SLC22A25: variants seen among roughly 807,000 people sequenced by gnomAD.
SLC22A25 encodes MGI:2442751, MGI:2385316, MGI:3042283, MGI:3645714, MGI:3605624, MGI:2442750.
A neutral mutation model predicts 45.9 loss-of-function variants in SLC22A25; 44 were observed. The observed-to-expected ratio is 0.96, with a 90% confidence interval of 0.75 to 1.23. The LOEUF (loss-of-function observed/expected upper bound fraction) is 1.23, where lower values mean the gene tolerates loss of function less well. SLC22A25 is among the 50% of genes most tolerant of loss of function. The pLI, the probability that SLC22A25 is intolerant of heterozygous loss-of-function variation, is 0.00. For missense variants in SLC22A25, 800 were observed against 666.4 expected (o/e 1.20, Z -2.21); for synonymous variants, 283 against 238.6 (o/e 1.19, Z -1.72).
chr11:63,160,794 C>T lies in SLC22A25; in HGVS notation c.*3030G>A, dbSNP rs1254230063. On this transcript the variant is annotated 3_prime_UTR_variant, in exon 12 of 12. Coordinates refer to ENST00000306494, the MANE Select transcript of SLC22A25 (RefSeq NM_199352.6). ...AGCTGCCCAAGAGCATGGAAACCCA[C>T]CTTTTGCATCATTGTGACCCAAATG... is the stretch of plus-strand genomic sequence containing the variant. Among the ~76,000 whole-genome samples, 1 of 152,176 alleles carries T rather than the reference C, an allele frequency of 6.6e-6. No individual in the cohort carries two copies. Among genetic ancestry groups the T allele is most frequent in the East Asian group, 1.9e-4 (1 of 5,186 alleles).
Position 63,163,940 on chromosome 11 carries a change from G to A in SLC22A25, c.1528C>T (p.Leu510Phe), listed in dbSNP as rs200098780. Residue 510 changes from leucine to phenylalanine, a missense_variant, in exon 12 of 12, where the codon CTT (leucine) becomes TTT (phenylalanine). By Grantham distance (22) the Leu-to-Phe change is conservative. Coordinates refer to ENST00000306494, the MANE Select transcript of SLC22A25 (RefSeq NM_199352.6). Reference sequence around the variant, plus strand: ...GTTTCAGGAAGGAGGAGGACAACAAGGCCAGAGAGGATGGCAAAGACTCCA... The same window carrying A: ...GTTTCAGGAAGGAGGAGGACAACAAAGCCAGAGAGGATGGCAAAGACTCCA... ...IYGVFAILSG[L>F]VVLLLPETRN... 2 of 1,613,940 alleles carry A rather than the reference G, an allele frequency of 1.2e-6. No homozygotes were observed. Among genetic ancestry groups the A allele is most frequent in the African/African-American group, 2.7e-5 (2 of 74,994 alleles).
In SLC22A25 at chr11:63,183,744, C is replaced by A. The variant is rs1265106586; in HGVS notation, c.904G>T (p.Ala302Ser). The A allele has an allele frequency of 1.9e-6, 3 of 1,613,278 alleles. No homozygotes were observed. In the Admixed American group the frequency reaches 5.0e-5, roughly 27 times the overall value. ...PEEGLKELRK[A>S]AHRNGMKNAE... The stretch of plus-strand genomic sequence containing the variant: ...TTCTTCATTCCATTCCTGTGTGCAG[C>A]TTTTCTAAGTTCCTTTAAGCCCTCT... Residue 302 changes from alanine (A) to serine (S), a missense_variant, in exon 8 of 12, where the codon GCT becomes TCT. By Grantham distance (99) the Ala-to-Ser change is moderately conservative. Transcript: ENST00000306494.
chr11:63,234,011 T>C (rs928514454), intron 3 of SLC22A25, among the ~76,000 whole-genome samples: 1 of 151,998 alleles, frequency 6.6e-6, no homozygotes, highest in Non-Finnish European at 1.5e-5. Flanking sequence ...CAGTTTGTTA[T>C]AATTTCTGTT....
intron 5 of SLC22A25, chr11:63,219,944 T>C (rs2089812562): frequency 7.8e-7 from 1 of 1,289,316 alleles, no homozygotes; most frequent in Non-Finnish European, 1.0e-6. Context: ...GAAGACGTGA[T>C]GCTGGTGGAT....
intron 7 of SLC22A25, among the ~76,000 whole-genome samples, chr11:63,185,301 CA>C (rs1308420767): frequency 6.6e-6 from 1 of 151,916 alleles, no homozygotes; most frequent in Non-Finnish European, 1.5e-5. Context: ...CCTCACCCCA[CA>C]ACAGGCCCTG....
At chr11:63,203,032 T>G (rs1042519288) in intron 7 of SLC22A25, among the ~76,000 whole-genome samples, 2 of 152,112 alleles carry the variant, frequency 1.3e-5, no homozygotes. Flanking sequence ...GGAGTGGACC[T>G]CCAGCAAATG....
Position 63,183,801 on chromosome 11 carries a change from C to A in SLC22A25, c.847G>T (p.Ala283Ser), listed in dbSNP as rs959817664. 6.2e-7 allele frequency: 1 copy of A among 1,612,994 alleles called. No individual in the cohort carries two copies. The highest frequency in any genetic ancestry group is 8.5e-7 in the Non-Finnish European group (1 of 1,179,292). ...TTGTTGTTGATAATGAGCCACCGAG[C>A]AGACTCTGCCAGCCACCTGAGCAAA... ...FLFSRWLAESARWLIINNKPE... is the reference protein window; with the variant it reads ...FLFSRWLAESSRWLIINNKPE... Residue 283 changes from alanine to serine, a missense_variant, in exon 8 of 12, where the codon GCT becomes TCT. Coordinates refer to ENST00000306494, the MANE Select transcript of SLC22A25 (RefSeq NM_199352.6).
rs190362524 is a variant in SLC22A25 at position 63,162,628 on chromosome 11, A to G, written c.*1196T>C. 1.8e-4 allele frequency among the ~76,000 whole-genome samples: 28 copies of G among 152,296 alleles called. No homozygotes were observed. The highest frequency in any genetic ancestry group is 1.5e-3 in the Admixed American group (23 of 15,286). On this transcript the variant is annotated 3_prime_UTR_variant, in exon 12 of 12. Coordinates refer to ENST00000306494, the MANE Select transcript of SLC22A25 (RefSeq NM_199352.6). ...TTAAGGAAGAATCATTGTTTTAAAT[A>G]TTATTCCATCTTCATATCCAGAAAC...
chr11:63,212,337 A>G (rs1217389073), intron 7 of SLC22A25, among the ~76,000 whole-genome samples: 1 of 152,186 alleles, frequency 6.6e-6, no homozygotes, highest in Non-Finnish European at 1.5e-5. Flanking sequence ...AAAGGATTAT[A>G]AAACATGCTG....
chr11:63,199,601 C>T (rs1271561288), intron 7 of SLC22A25, among the ~76,000 whole-genome samples: 1 of 152,022 alleles, frequency 6.6e-6, no homozygotes, highest in African/African-American at 2.4e-5. Flanking sequence ...GACATTTAGT[C>T]TAAGATAAAA....
At chr11:63,174,658 T>C (rs2088021054) in intron 9 of SLC22A25, among the ~76,000 whole-genome samples, 1 of 152,140 alleles carries the variant, frequency 6.6e-6, no homozygotes, top group Non-Finnish European at 1.5e-5. Flanking sequence ...AAAACTGTGG[T>C]AAAAATGCAT....
intron 7 of SLC22A25, among the ~76,000 whole-genome samples, chr11:63,194,064 G>GTGAT (rs925736026): frequency 1.3e-5 from 2 of 152,274 alleles, no homozygotes; most frequent in African/African-American, 4.8e-5. Flanking sequence ...AAGGGTATCA[G>GTGAT]TGATTGAAGA....
chr11:63,174,695 T>C (rs1449952481), intron 9 of SLC22A25, among the ~76,000 whole-genome samples: 1 of 152,154 alleles, frequency 6.6e-6, no homozygotes, highest in African/African-American at 2.4e-5. Context: ...TGTTAACAAA[T>C]TTTTAAGTGT....
chr11:63,188,664 C>T (rs962823534), intron 7 of SLC22A25, among the ~76,000 whole-genome samples: 1 of 152,160 alleles, frequency 6.6e-6, no homozygotes, highest in East Asian at 1.9e-4. Flanking sequence ...ATCTTTCCTG[C>T]TTTCTCTTGT....
intron 9 of SLC22A25, chr11:63,167,270 GT>G (rs35794428): frequency 0.37 from 55,734 of 149,980 alleles, 10,409 homozygotes; most frequent in East Asian, 0.55. Flanking sequence ...AGCTGCAGGA[GT>G]TTTTTTTTTT....
At chr11:63,167,081 C>G (rs72922347) in intron 9 of SLC22A25, 1,913 of 154,020 alleles carry the variant, frequency 0.012, 19 homozygotes, top group Middle Eastern at 0.04. Flanking sequence ...TCCAAAGGGC[C>G]AGGGAACTTC....
intron 1 of SLC22A25, among the ~76,000 whole-genome samples, chr11:63,241,824 A>G (rs113140844): frequency 0.034 from 5,135 of 152,330 alleles, 120 homozygotes; most frequent in Non-Finnish European, 0.056. Flanking sequence ...TTGGTGGGCA[A>G]CAGGGTCTCT....
At chr11:63,189,968 G>A (rs1009800122) in intron 7 of SLC22A25, among the ~76,000 whole-genome samples, 2 of 152,176 alleles carry the variant, frequency 1.3e-5, no homozygotes, top group Non-Finnish European at 2.9e-5. Context: ...CTGTCTGGCT[G>A]CCCTTAACAT....
intron 7 of SLC22A25, among the ~76,000 whole-genome samples, chr11:63,197,497 A>T (rs2089085134): frequency 6.6e-6 from 1 of 151,134 alleles, no homozygotes; most frequent in Non-Finnish European, 1.5e-5. Context: ...CAAAAAGAAG[A>T]AATGGAGGAA....
Sources: allele counts gnomAD v4.1 joint callset (sites outside exome capture counted in the v4.1 genomes callset), GRCh38; gene constraint gnomAD v4.1.1; transcripts MANE v1.5; gene names NCBI Gene and HGNC (gene_info 2026-07-23, HGNC 2026-07-21).